The following HGD variants were observed in gnomAD, a reference collection of about 807,000 sequenced individuals.
The protein encoded by HGD is homogentisate oxidase.
In HGD, 61 loss-of-function variants were observed where a neutral mutation model predicts 60.8. That is an observed-to-expected ratio of 1.00 (90% CI 0.82 to 1.24). The LOEUF is 1.24. Ranked by LOEUF, HGD falls within the 50% of genes most tolerant of loss-of-function variation. HGD has a pLI of 0.00. For missense variants in HGD, 542 were observed against 547.1 expected (o/e 0.99, Z 0.09); for synonymous variants, 212 against 187.7 (o/e 1.13, Z -1.06).
chr3:120,679,012 C>T lies in HGD; in HGVS notation c.15+3085G>A, dbSNP rs552494963. 3.9e-5 allele frequency among the ~76,000 whole-genome samples: 6 copies of T among 152,312 alleles called. No individual in the cohort carries two copies. In the East Asian group the frequency reaches 1.2e-3, roughly 29 times the overall value. Reference sequence around the variant, plus strand: ...TTAAGCAAGTGTGTTTGTATGTTTTCTACAGTTCGGATTTCTGAATAATTT... The same window carrying T: ...TTAAGCAAGTGTGTTTGTATGTTTTTTACAGTTCGGATTTCTGAATAATTT... On this transcript the variant is annotated intron_variant, in intron 1 of 13. Transcript: ENST00000283871.
At chr3:120,670,174 C>T (rs1707993277) in intron 4 of HGD, 2 of 508,532 alleles carry the variant, frequency 3.9e-6, no homozygotes, top group East Asian at 3.5e-5. Flanking sequence ...GCCTCCTCAG[C>T]CATGCAGAAC....
At chr3:120,649,406 G>A (rs1490792521) in intron 6 of HGD, among the ~76,000 whole-genome samples, 1 of 151,956 alleles carries the variant, frequency 6.6e-6, no homozygotes, top group Admixed American at 6.6e-5. Flanking sequence ...GCCTCTCAAA[G>A]TACTGGGATT....
At chr3:120,660,261 T>A (rs1360179006) in intron 4 of HGD, among the ~76,000 whole-genome samples, 1 of 152,200 alleles carries the variant, frequency 6.6e-6, no homozygotes, top group Non-Finnish European at 1.5e-5. Context: ...AGTGCAAGAA[T>A]GGACTAATAC....
At chr3:120,654,639 GA>G (rs1289811414) in intron 4 of HGD, among the ~76,000 whole-genome samples, 1 of 152,012 alleles carries the variant, frequency 6.6e-6, no homozygotes, top group Admixed American at 6.6e-5. Context: ...CAAATCTAAG[GA>G]AAAAAGTGAT....
chr3:120,653,201 C>T (rs1320560475), intron 4 of HGD, among the ~76,000 whole-genome samples: 2 of 152,198 alleles, frequency 1.3e-5, no homozygotes, highest in African/African-American at 4.8e-5. Flanking sequence ...AGCTGCTTCA[C>T]CAAACCCCAC....
At chr3:120,662,364 G>A (rs1280475406) in intron 4 of HGD, among the ~76,000 whole-genome samples, 2 of 152,262 alleles carry the variant, frequency 1.3e-5, no homozygotes, top group South Asian at 2.1e-4. Flanking sequence ...TCTGAACCAG[G>A]TGGAGGTAGG....
At chr3:120,661,882 T>C (rs1014152071) in intron 4 of HGD, among the ~76,000 whole-genome samples, 8 of 152,200 alleles carry the variant, frequency 5.3e-5, no homozygotes, top group African/African-American at 9.7e-5. Context: ...ATACTTGCGA[T>C]TCTATTTGGA....
intron 4 of HGD, among the ~76,000 whole-genome samples, chr3:120,653,921 G>A (rs932449108): frequency 6.6e-6 from 1 of 152,160 alleles, no homozygotes; most frequent in African/African-American, 2.4e-5. Context: ...AGGTTCCAGT[G>A]ACATTCCACC....
chr3:120,644,589 G>T, intron 9 of HGD, 146 bp from the exon 10 acceptor site: 2 of 1,542,968 alleles, frequency 1.3e-6, no homozygotes, highest in South Asian at 2.4e-5. Context: ...TGCATTTCCA[G>T]TCTGGTACCT....
chr3:120,645,426 C>A (rs1187083506), intron 9 of HGD, among the ~76,000 whole-genome samples: 1 of 152,188 alleles, frequency 6.6e-6, no homozygotes, highest in African/African-American at 2.4e-5. Flanking sequence ...GGAGATGTGA[C>A]CAAAGAGTAA....
chr3:120,641,767 G>A (rs2107502982), intron 10 of HGD, 74 bp from the exon 11 acceptor site: 4 of 913,288 alleles, frequency 4.4e-6, no homozygotes, highest in Non-Finnish European at 7.4e-6. Context: ...AATATGTACT[G>A]AGTATACCTC....
At chr3:120,635,717 C>A (rs1331690548) in intron 12 of HGD, among the ~76,000 whole-genome samples, 1 of 152,020 alleles carries the variant, frequency 6.6e-6, no homozygotes, top group African/African-American at 2.4e-5. Context: ...TTTATAAGAT[C>A]TACCCTGGGG....
At chr3:120,673,661 C>T (rs559159681) in intron 3 of HGD, among the ~76,000 whole-genome samples, 10 of 152,284 alleles carry the variant, frequency 6.6e-5, no homozygotes, top group African/African-American at 2.4e-4. Flanking sequence ...GCACTTGCCA[C>T]ATATCATGCC....
At position 120,644,213 on chromosome 3, in the gene HGD, T is replaced by A. The variant is rs543151194; in HGVS notation, c.774+106A>T. The A allele has an allele frequency of 1.8e-3, 2,365 of 1,342,364 alleles. 8 individuals are homozygous for A. Among genetic ancestry groups the A allele is most frequent in the Non-Finnish European group, 1.7e-3 (1,607 of 944,810 alleles). 83.2% of individuals were successfully genotyped at this position (1,342,364 alleles called of 1,614,324 possible). A position where few individuals can be genotyped will look rare whatever the true frequency, so the allele number is the denominator to read the frequency against. On this transcript the variant is annotated intron_variant, in intron 10 of 13. Coordinates refer to ENST00000283871, the MANE Select transcript of HGD (RefSeq NM_000187.4). The stretch of plus-strand genomic sequence containing the variant: ...TATTTGTAGTGCCGTAGTGGTATGA[T>A]AACAACGAAAGGATATATGTAAAGT...
At chr3:120,654,552 C>A (rs146310534) in intron 4 of HGD, among the ~76,000 whole-genome samples, 87 of 152,346 alleles carry the variant, frequency 5.7e-4, no homozygotes, top group African/African-American at 2.0e-3. Flanking sequence ...ATTCTGGCAT[C>A]TTGGGCCATA....
At chr3:120,646,153 G>A in intron 9 of HGD, 114 bp downstream of exon 9, 2 of 762,990 alleles carry the variant, frequency 2.6e-6, no homozygotes, top group Non-Finnish European at 4.7e-6. Flanking sequence ...TTTGTCTAGA[G>A]AGAAAAGTGG....
At chr3:120,655,514 T>C (rs1358549912) in intron 4 of HGD, among the ~76,000 whole-genome samples, 1 of 152,176 alleles carries the variant, frequency 6.6e-6, no homozygotes, top group African/African-American at 2.4e-5. Flanking sequence ...GCCTGTATCA[T>C]GAAGGATAAG....
intron 12 of HGD, 29 bp from the exon 13 acceptor site, chr3:120,633,357 A>T: frequency 3.7e-6 from 6 of 1,614,110 alleles, no homozygotes; most frequent in Non-Finnish European, 5.1e-6. Context: ...TATTATTTTT[A>T]TTATCCAAGG....
chr3:120,667,588 C>T (rs1302047497), intron 4 of HGD, among the ~76,000 whole-genome samples: 2 of 151,786 alleles, frequency 1.3e-5, no homozygotes, highest in Non-Finnish European at 2.9e-5. Flanking sequence ...AACCTCCCAC[C>T]CCGAATAAAA....
Sources: gnomAD v4.1 joint callset for allele counts (sites outside exome capture counted in the v4.1 genomes callset) on GRCh38, gnomAD v4.1.1 for gene constraint, MANE v1.5 for transcripts, NCBI Gene and HGNC (gene_info 2026-07-23, HGNC 2026-07-21) for gene names.